Variants in ARHGAP26 observed in about 807,000 individuals in gnomAD.
The protein encoded by ARHGAP26 is Rho GTPase activating protein 26.
Under a neutral mutation model 104.8 loss-of-function variants are expected in ARHGAP26, and 38 were observed. The observed-to-expected ratio is 0.36, with a 90% CI of 0.28 to 0.48. ARHGAP26 has a LOEUF of 0.48. ARHGAP26 is among the 20% of genes least tolerant of loss of function. The pLI is 0.99. For missense variants in ARHGAP26, 704 were observed against 947.9 expected (o/e 0.74, Z 3.38); for synonymous variants, 341 against 340.0 (o/e 1.00, Z -0.03).
At chr5:142,812,103 AC>A (rs1764193919) in intron 1 of ARHGAP26, among the ~76,000 whole-genome samples, 1 of 151,652 alleles carries the variant, frequency 6.6e-6, no homozygotes, top group African/African-American at 2.4e-5. Context: ...CACCCCGTCT[AC>A]TGCCTTTTCC....
Position 143,228,176 on chromosome 5 carries a change from C to A in ARHGAP26, c.*5730C>A, listed in dbSNP as rs970637339. On this transcript the variant is annotated 3_prime_UTR_variant, in exon 23 of 23. Transcript: ENST00000645722. ...ACCTAAAAGCAGCTTTCTTGGTTATCCAGATGCCAGAATCAACCTTGTATC... is the reference window on the plus strand; with the variant it reads ...ACCTAAAAGCAGCTTTCTTGGTTATACAGATGCCAGAATCAACCTTGTATC... 16 of 225,642 alleles carry A rather than the reference C, an allele frequency of 7.1e-5. No homozygotes were observed. The highest frequency in any genetic ancestry group is 8.8e-5 in the Non-Finnish European group (10 of 113,334). The allele number at this position is 225,642 out of a possible 1,614,324, so 14.0% of individuals were successfully genotyped here.
intron 1 of ARHGAP26, among the ~76,000 whole-genome samples, chr5:142,786,276 T>C (rs724301): frequency 0.23 from 34,891 of 151,606 alleles, 6,627 homozygotes; most frequent in African/African-American, 0.53. Flanking sequence ...GCCATGGTGT[T>C]TGGCCCTAAT....
chr5:142,771,072 G>A (rs1327658572), intron 1 of ARHGAP26, 157 bp downstream of exon 1: 6 of 1,372,178 alleles, frequency 4.4e-6, no homozygotes, highest in Non-Finnish European at 5.7e-6. Context: ...TACGTAAAGC[G>A]GGCGAACCAG....
At chr5:142,782,762 T>TA (rs1223289014) in intron 1 of ARHGAP26, among the ~76,000 whole-genome samples, 2 of 152,198 alleles carry the variant, frequency 1.3e-5, no homozygotes, top group East Asian at 3.8e-4. Context: ...TATTATACCT[T>TA]ACAATATTAT....
At chr5:143,086,092 A>G (rs1790549988) in intron 17 of ARHGAP26, among the ~76,000 whole-genome samples, 1 of 152,312 alleles carries the variant, frequency 6.6e-6, no homozygotes, top group African/African-American at 2.4e-5. Context: ...GGTGGCTTCT[A>G]TCACCTGTAA....
chr5:142,987,979 G>A (rs1377673013), intron 11 of ARHGAP26, among the ~76,000 whole-genome samples: 1 of 152,190 alleles, frequency 6.6e-6, no homozygotes, highest in Non-Finnish European at 1.5e-5. Flanking sequence ...TCTCTGCCAG[G>A]CTTTGGTATC....
intron 4 of ARHGAP26, among the ~76,000 whole-genome samples, chr5:142,881,919 C>T (rs1757051824): frequency 6.6e-6 from 1 of 152,334 alleles, no homozygotes; most frequent in African/African-American, 2.4e-5. Flanking sequence ...TTGGAGAGTG[C>T]ACCATGTGAA....
At chr5:143,054,566 T>C (rs766069746) in intron 15 of ARHGAP26, 40 bp downstream of exon 15, 15 of 1,415,350 alleles carry the variant, frequency 1.1e-5, no homozygotes, top group Non-Finnish European at 1.5e-5. Flanking sequence ...GCCAGCTAGT[T>C]ATCATGCAAT....
At chr5:142,801,883 T>C (rs1561864671) in intron 1 of ARHGAP26, among the ~76,000 whole-genome samples, 2 of 152,340 alleles carry the variant, frequency 1.3e-5, no homozygotes, top group African/African-American at 4.8e-5. Context: ...TTATGTCTAA[T>C]GCCAGTCATT....
chr5:143,151,744 T>A (rs1446788512), intron 20 of ARHGAP26, among the ~76,000 whole-genome samples: 1 of 152,030 alleles, frequency 6.6e-6, no homozygotes, highest in Non-Finnish European at 1.5e-5. Context: ...TCGCTTGAGG[T>A]CAGGAGTTTG....
Position 142,976,920 on chromosome 5 carries a change from C to T in ARHGAP26, c.1108-37160C>T, listed in dbSNP as rs1773179024. On this transcript the variant is annotated intron_variant, in intron 11 of 22. Coordinates refer to ENST00000645722, the MANE Select transcript of ARHGAP26 (RefSeq NM_001135608.3). Reference sequence around the variant, plus strand: ...GGAGAAGCTCCTGGTCTGTACCCTACCCATTTGCACGCAAGAGTACACCTC... The same window carrying T: ...GGAGAAGCTCCTGGTCTGTACCCTATCCATTTGCACGCAAGAGTACACCTC... Among the ~76,000 whole-genome samples the T allele has an allele frequency of 2.6e-5, 4 of 152,294 alleles. No homozygotes were observed. The South Asian group carries it at 8.3e-4, about 32-fold the overall frequency.
intron 1 of ARHGAP26, among the ~76,000 whole-genome samples, chr5:142,794,457 G>C (rs1470570581): frequency 6.6e-6 from 1 of 152,216 alleles, no homozygotes; most frequent in Non-Finnish European, 1.5e-5. Context: ...GGAAGAGAAA[G>C]GGCCCTGCCT....
intron 7 of ARHGAP26, among the ~76,000 whole-genome samples, chr5:142,903,198 C>G (rs754472675): frequency 6.6e-6 from 1 of 152,292 alleles, no homozygotes; most frequent in South Asian, 2.1e-4. Context: ...TTAAGTCATA[C>G]AGGCCCCTAG....
At chr5:142,795,601 A>C (rs540501000) in intron 1 of ARHGAP26, among the ~76,000 whole-genome samples, 1 of 152,294 alleles carries the variant, frequency 6.6e-6, no homozygotes, top group Admixed American at 6.5e-5. Context: ...TAGAATATGT[A>C]CTTGTTTTGC....
chr5:143,089,544 G>C (rs371459953), intron 17 of ARHGAP26, among the ~76,000 whole-genome samples: 11 of 152,162 alleles, frequency 7.2e-5, no homozygotes, highest in Non-Finnish European at 4.4e-5. Flanking sequence ...TTTTAATCAC[G>C]ATACAAACTC....
intron 8 of ARHGAP26, among the ~76,000 whole-genome samples, chr5:142,906,865 T>C (rs73288450): frequency 2.1e-3 from 315 of 152,012 alleles, no homozygotes; most frequent in African/African-American, 7.2e-3. Flanking sequence ...ATTCTCTTTA[T>C]GTTTAAACAA....
intron 11 of ARHGAP26, among the ~76,000 whole-genome samples, chr5:142,970,812 G>T (rs190278790): frequency 6.6e-6 from 1 of 152,188 alleles, no homozygotes; most frequent in African/African-American, 2.4e-5. Flanking sequence ...GTAAGATGTG[G>T]GTGGACAAGG....
At chr5:143,097,176 T>A (rs60473595) in intron 17 of ARHGAP26, among the ~76,000 whole-genome samples, 6,855 of 151,606 alleles carry the variant, frequency 0.045, 524 homozygotes, top group African/African-American at 0.15. Flanking sequence ...CCGTCTCTAC[T>A]AAAAATACAA....
intron 14 of ARHGAP26, among the ~76,000 whole-genome samples, chr5:143,044,655 A>G (rs1456894026): frequency 6.6e-6 from 1 of 152,158 alleles, no homozygotes; most frequent in Non-Finnish European, 1.5e-5. Flanking sequence ...TGATAGGAAG[A>G]TGGAGAAGTG....
Sources: gnomAD v4.1 joint callset for allele counts (sites outside exome capture counted in the v4.1 genomes callset) on GRCh38, gnomAD v4.1.1 for gene constraint, MANE v1.5 for transcripts, NCBI Gene and HGNC (gene_info 2026-07-23, HGNC 2026-07-21) for gene names.